Variants in FAR1 observed in about 807,000 individuals in gnomAD.
FAR1 encodes fatty acyl-CoA reductase 1, also known as male sterility domain-containing protein 2.
Under a neutral mutation model 61.1 loss-of-function variants are expected in FAR1, and 22 were observed. That is an observed-to-expected ratio of 0.36 (90% CI 0.26 to 0.51). FAR1 has a LOEUF of 0.51. Ranked by LOEUF, FAR1 falls within the 20% of genes least tolerant of loss-of-function variation. FAR1 has a pLI of 0.95. For synonymous variants in FAR1, 206 were observed against 209.7 expected (o/e 0.98, Z 0.15); for missense variants, 359 against 626.9 (o/e 0.57, Z 4.56).
rs144325217 is a variant in FAR1, at chr11:13,709,331, C to G, written c.545+1252C>G. On this transcript the variant is annotated intron_variant, in intron 4 of 11. Transcript: ENST00000354817. ...TTTCTCACTCATTTTCTTAGATGGT[C>G]CCAAATATCTACTTCATTTTCTTCA... Among the ~76,000 whole-genome samples, 1,029 of 151,962 alleles carry G rather than the reference C, an allele frequency of 6.8e-3. 13 individuals are homozygous for G. Among genetic ancestry groups the G allele is most frequent in the Middle Eastern group, 0.017 (5 of 292 alleles).
At chr11:13,720,865 CTTCCCT>C (rs1848603711) in intron 9 of FAR1, 1 of 151,954 alleles carries the variant, frequency 6.6e-6, no homozygotes. Context: ...AAAGTTCTTT[CTTCCCT>C]TTCCCTACTT....
chr11:13,712,490 C>T (rs927786343), intron 7 of FAR1, among the ~76,000 whole-genome samples: 1 of 151,994 alleles, frequency 6.6e-6, no homozygotes, highest in Non-Finnish European at 1.5e-5. Flanking sequence ...AAACTTTAAA[C>T]TTCCCAATAA....
At chr11:13,702,980 T>G (rs986027334) in intron 3 of FAR1, among the ~76,000 whole-genome samples, 3 of 152,242 alleles carry the variant, frequency 2.0e-5, no homozygotes, top group African/African-American at 4.8e-5. Flanking sequence ...TGTATTACAT[T>G]GTTTTTCTTT....
rs374214262 is a variant in FAR1, at chr11:13,709,839, A to C, written c.546-854A>C. On this transcript the variant is annotated intron_variant, in intron 4 of 11. Coordinates refer to ENST00000354817, the MANE Select transcript of FAR1 (RefSeq NM_032228.6). ...GTATGGGTATCATTAGAGTATGACA[A>C]TATACTGAGTCTACTTGCATACACA... 4.3e-4 allele frequency among the ~76,000 whole-genome samples: 65 copies of C among 152,254 alleles called. No homozygotes were observed. The South Asian group carries it at 0.012, about 29-fold the overall frequency.
intron 2 of FAR1, among the ~76,000 whole-genome samples, chr11:13,699,030 AGG>A (rs1565345064): frequency 6.6e-6 from 1 of 152,084 alleles, no homozygotes; most frequent in Non-Finnish European, 1.5e-5. Context: ...CTGATTTCTA[AGG>A]GGTTATACTG....
intron 1 of FAR1, among the ~76,000 whole-genome samples, chr11:13,684,135 A>T (rs890601925): frequency 2.6e-5 from 4 of 152,198 alleles, no homozygotes; most frequent in African/African-American, 9.6e-5. Flanking sequence ...GATCAACATT[A>T]TCTCGAGAGG....
At chr11:13,693,357 T>C (rs940068587) in intron 1 of FAR1, among the ~76,000 whole-genome samples, 1 of 151,656 alleles carries the variant, frequency 6.6e-6, no homozygotes, top group African/African-American at 2.4e-5. Flanking sequence ...AAATGCTTTT[T>C]TCTTTTGTTT....
At chr11:13,706,713 G>A (rs1168454947) in intron 3 of FAR1, among the ~76,000 whole-genome samples, 1 of 151,952 alleles carries the variant, frequency 6.6e-6, no homozygotes, top group Non-Finnish European at 1.5e-5. Context: ...AGATCTCTTG[G>A]TCAGTTTTTT....
rs1245737405 is a variant in FAR1, at chr11:13,712,954, T to C, written c.888-12T>C. On this transcript the variant is annotated splice_polypyrimidine_tract_variant and intron_variant, in intron 7 of 11. Coordinates refer to ENST00000354817, the MANE Select transcript of FAR1 (RefSeq NM_032228.6). ...TTATTATGATTAATTGGTTTCATCT[T>C]TGTCTTTGCAGACCAAGAAACATCA... is the stretch of plus-strand genomic sequence containing the variant. 1.2e-6 allele frequency: 2 copies of C among 1,611,198 alleles called. No individual in the cohort carries two copies. The highest frequency in any genetic ancestry group is 1.7e-6 in the Non-Finnish European group (2 of 1,177,988).
At chr11:13,694,512 C>T (rs577159370) in intron 1 of FAR1, among the ~76,000 whole-genome samples, 16 of 152,104 alleles carry the variant, frequency 1.1e-4, no homozygotes, top group Non-Finnish European at 2.2e-4. Context: ...AAACTCAAGT[C>T]CAGAGAACGT....
rs1324504757 is a variant in FAR1, at chr11:13,731,341, C to G, written c.*2567C>G. ...CAGGGAAAAGAATTTCCTTTTCCCCCTTTTTTGTGTTGTCTATAGGAATTA... is the reference window on the plus strand; with the variant it reads ...CAGGGAAAAGAATTTCCTTTTCCCCGTTTTTTGTGTTGTCTATAGGAATTA... On this transcript the variant is annotated 3_prime_UTR_variant, in exon 12 of 12. Transcript: ENST00000354817. 1 of 152,406 alleles carries G rather than the reference C, an allele frequency of 6.6e-6. No homozygotes were observed. The highest frequency in any genetic ancestry group is 1.5e-5 in the Non-Finnish European group (1 of 67,950). 9.4% of individuals were successfully genotyped at this position (152,406 alleles called of 1,614,324 possible).
At position 13,721,933 on chromosome 11, in the gene FAR1, A is replaced by G; in HGVS notation, c.1257+74A>G. On this transcript the variant is annotated intron_variant, in intron 10 of 11. Coordinates refer to ENST00000354817, the MANE Select transcript of FAR1 (RefSeq NM_032228.6). This position sits in a 1 kb window ranked among gnomAD's most constrained non-coding sequence, Gnocchi z 4.2. ...TTACAGAACTATTAGCAACCTGAGA[A>G]ATATTTTCCACAGCTATTATGCAAC... 8.0e-7 allele frequency: 1 copy of G among 1,252,978 alleles called. No individual in the cohort carries two copies. Among genetic ancestry groups the G allele is most frequent in the Non-Finnish European group, 1.1e-6 (1 of 907,326 alleles). The allele number at this position is 1,252,978 out of a possible 1,614,324, so 77.6% of individuals were successfully genotyped here. A position where few individuals can be genotyped will look rare whatever the true frequency, so the allele number is the denominator to read the frequency against.
intron 1 of FAR1, among the ~76,000 whole-genome samples, chr11:13,690,554 A>T (rs1218766851): frequency 6.6e-6 from 1 of 152,182 alleles, no homozygotes; most frequent in Non-Finnish European, 1.5e-5. Flanking sequence ...ATAGTGTGAG[A>T]TAGAGTTCAA....
intron 1 of FAR1, among the ~76,000 whole-genome samples, chr11:13,693,129 A>G (rs1301548622): frequency 1.3e-5 from 2 of 152,276 alleles, no homozygotes; most frequent in East Asian, 3.9e-4. Context: ...CCTGGGCCAC[A>G]TTGGAAGAAG....
intron 4 of FAR1, 132 bp from the exon 5 acceptor site, chr11:13,710,561 T>A (rs1194850454): frequency 1.4e-6 from 1 of 723,448 alleles, no homozygotes; most frequent in Admixed American, 3.8e-5. Context: ...TAAGTTCCAT[T>A]TTTCAGTAAA....
Position 13,728,785 on chromosome 11 carries a change from T to C in FAR1, c.*11T>C. On this transcript the variant is annotated 3_prime_UTR_variant, in exon 12 of 12. Transcript: ENST00000354817. ...ACTATGAGATACTGAAGACCAAGGA[T>C]TCAGCATTAGAACATCTATACATAT... The C allele has an allele frequency of 1.2e-6, 2 of 1,608,756 alleles. No homozygotes were observed. Among genetic ancestry groups the C allele is most frequent in the Admixed American group, 3.3e-5 (2 of 59,832 alleles).
chr11:13,727,734 T>G (rs1471539147), intron 11 of FAR1, 51 bp downstream of exon 11: 1 of 1,522,946 alleles, frequency 6.6e-7, no homozygotes, highest in South Asian at 1.3e-5. Context: ...TATGAAATAT[T>G]CCACAATTTT....
In FAR1 at chr11:13,728,876, A is replaced by G. The variant is rs1433056645; in HGVS notation, c.*102A>G. On this transcript the variant is annotated 3_prime_UTR_variant, in exon 12 of 12. Coordinates refer to ENST00000354817, the MANE Select transcript of FAR1 (RefSeq NM_032228.6). ...TCACTTTTTGTCAAGACATTAAACC[A>G]TCTTAGATCGGAGTGTGAAGTAAAT... 9.3e-7 allele frequency: 1 copy of G among 1,072,576 alleles called. No individual in the cohort carries two copies. Among genetic ancestry groups the G allele is most frequent in the Non-Finnish European group, 1.3e-6 (1 of 742,200 alleles). 66.4% of individuals were successfully genotyped at this position (1,072,576 alleles called of 1,614,324 possible).
At position 13,713,028 on chromosome 11, in the gene FAR1, A is replaced by G. The variant is rs1386407242; in HGVS notation, c.950A>G (p.Glu317Gly). 2 of 1,612,284 alleles carry G rather than the reference A, an allele frequency of 1.2e-6. No individual in the cohort carries two copies. Among genetic ancestry groups the G allele is most frequent in the Admixed American group, 3.3e-5 (2 of 59,976 alleles). Residue 317 changes from glutamate (E) to glycine (G), a missense_variant, in exon 8 of 12, where the codon GAA becomes GGA. Physicochemically the swap from Glu to Gly is moderately conservative, Grantham distance 98. Around this residue, in one of 2 missense-constraint regions of FAR1, gnomAD observed 344 missense variants for 570.3 expected, o/e 0.60. Coordinates refer to ENST00000354817, the MANE Select transcript of FAR1 (RefSeq NM_032228.6). ...TGSTNPFHWG[E>G]VEYHVISTFK... Reference sequence around the variant, plus strand: ...AGCACTAATCCTTTCCACTGGGGTGAAGTTGGTATGATTTTACCTGTGTTT... The same window carrying G: ...AGCACTAATCCTTTCCACTGGGGTGGAGTTGGTATGATTTTACCTGTGTTT...
Sources: allele counts gnomAD v4.1 joint callset (sites outside exome capture counted in the v4.1 genomes callset), GRCh38; gene constraint gnomAD v4.1.1; regional missense constraint gnomAD v4.1.1; non-coding constraint Gnocchi (gnomAD v3.1); transcripts MANE v1.5; gene names NCBI Gene and HGNC (gene_info 2026-07-23, HGNC 2026-07-21).